Variants in SLC5A12 observed in about 807,000 individuals in gnomAD.
SLC5A12 encodes the protein solute carrier family 5 member 12.
SLC5A12 carries 46 observed loss-of-function variants against 72.7 expected under a neutral mutation model. The observed-to-expected ratio is 0.63, with a 90% CI of 0.50 to 0.81. The LOEUF is 0.81. Among genes scored for constraint, SLC5A12 ranks in the 30% least tolerant of loss-of-function variants. The pLI is 0.00. For missense variants in SLC5A12, 683 were observed against 740.7 expected (o/e 0.92, Z 0.90); for synonymous variants, 275 against 264.4 (o/e 1.04, Z -0.39).
intron 12 of SLC5A12, among the ~76,000 whole-genome samples, chr11:26,680,099 A>T (rs2133142452): frequency 6.6e-6 from 1 of 151,830 alleles, no homozygotes; most frequent in South Asian, 2.1e-4. Context: ...CAGTTTGAGA[A>T]GCCTGGACTC....
In SLC5A12 at chr11:26,673,451, T is replaced by C. The variant is rs771782675; in HGVS notation, c.1658A>G (p.Tyr553Cys). The C allele has an allele frequency of 1.6e-5, 25 of 1,612,078 alleles. No homozygotes were observed. The Admixed American group carries it at 4.0e-4, about 26-fold the overall frequency. Residue 553 changes from tyrosine to cysteine, a missense_variant, in exon 14 of 15, where the codon TAC becomes TGC. Transcript: ENST00000396005. Reference protein sequence around the residue: ...CNLFCFWSKKYKTLCWCGVQH... With the variant: ...CNLFCFWSKKCKTLCWCGVQH... ...AACTCCACACCAGCATAGTGTTTTG[T>C]ACTTCTTAGACCAAAAGCAAAATAA...
At chr11:26,692,241 G>A (rs1007486180) in intron 9 of SLC5A12, 7 of 346,476 alleles carry the variant, frequency 2.0e-5, no homozygotes, top group African/African-American at 6.4e-5. Flanking sequence ...GATAAGCCTC[G>A]TCTAGAGTGT....
chr11:26,685,530 C>A (rs762522795), intron 10 of SLC5A12, among the ~76,000 whole-genome samples: 24 of 152,076 alleles, frequency 1.6e-4, no homozygotes, highest in Non-Finnish European at 2.9e-4. Context: ...ATTGCTTGAA[C>A]CTGGGAGGCA....
Position 26,675,593 on chromosome 11 carries a change from T to C in SLC5A12, c.1580-2064A>G, listed in dbSNP as rs546488584. 8.5e-5 allele frequency among the ~76,000 whole-genome samples: 13 copies of C among 152,176 alleles called. No individual in the cohort carries two copies. The East Asian group carries it at 2.5e-3, about 29-fold the overall frequency. On this transcript the variant is annotated intron_variant, in intron 13 of 14. Transcript: ENST00000396005. ...AGATCATATCCTGTAGACAAGTAGG[T>C]TTATCCTAAGGAAAAGAAAGTTCAT...
At chr11:26,703,995 G>C (rs1855026477) in intron 4 of SLC5A12, 48 bp from the exon 5 acceptor site, 3 of 1,600,842 alleles carry the variant, frequency 1.9e-6, no homozygotes, top group Non-Finnish European at 2.6e-6. Context: ...CCCTGTAACT[G>C]TACTGGCTCT....
chr11:26,671,324 T>TTTAG, intron 14 of SLC5A12, 73 bp from the exon 15 acceptor site: 2 of 1,383,284 alleles, frequency 1.4e-6, no homozygotes, highest in South Asian at 3.1e-5. Flanking sequence ...GAGAATCTTG[T>TTTAG]TTAGGCCTTG....
At chr11:26,683,560 C>T (rs1044995536) in intron 11 of SLC5A12, among the ~76,000 whole-genome samples, 197 bp downstream of exon 11, 1 of 152,180 alleles carries the variant, frequency 6.6e-6, no homozygotes, top group Non-Finnish European at 1.5e-5. Flanking sequence ...ATAACTACCT[C>T]TGCTCTTCTT....
intron 4 of SLC5A12, among the ~76,000 whole-genome samples, chr11:26,707,294 C>T (rs1321272866): frequency 6.6e-6 from 1 of 151,904 alleles, no homozygotes; most frequent in Non-Finnish European, 1.5e-5. Flanking sequence ...CAGGTATAAA[C>T]GTATTCTTTT....
At chr11:26,688,220 A>G (rs1184062555) in intron 9 of SLC5A12, among the ~76,000 whole-genome samples, 1 of 152,224 alleles carries the variant, frequency 6.6e-6, no homozygotes, top group Non-Finnish European at 1.5e-5. Context: ...TCTCCCAAAA[A>G]CAAAGCAGTA....
At chr11:26,685,812 T>G (rs533056082) in intron 10 of SLC5A12, among the ~76,000 whole-genome samples, 4 of 152,074 alleles carry the variant, frequency 2.6e-5, no homozygotes, top group Admixed American at 6.6e-5. Flanking sequence ...GTATTTTCAC[T>G]TTTTTTCCCG....
At chr11:26,685,574 A>G (rs532523934) in intron 10 of SLC5A12, among the ~76,000 whole-genome samples, 8 of 151,948 alleles carry the variant, frequency 5.3e-5, no homozygotes, top group Middle Eastern at 3.4e-3. Context: ...CACTACTGTA[A>G]TCCAGCCTGG....
intron 13 of SLC5A12, among the ~76,000 whole-genome samples, chr11:26,674,027 C>T (rs1854207669): frequency 6.6e-6 from 1 of 152,074 alleles, no homozygotes; most frequent in Admixed American, 6.6e-5. Context: ...TTTAAGCATT[C>T]CTCACACCTC....
At chr11:26,681,963 A>G (rs2133146819) in intron 11 of SLC5A12, among the ~76,000 whole-genome samples, 1 of 152,136 alleles carries the variant, frequency 6.6e-6, no homozygotes, top group African/African-American at 2.4e-5. Flanking sequence ...TTTCTCCATT[A>G]TTGTTTGAAG....
intron 11 of SLC5A12, among the ~76,000 whole-genome samples, chr11:26,683,026 C>A (rs1427804006): frequency 6.6e-6 from 1 of 151,994 alleles, no homozygotes; most frequent in Non-Finnish European, 1.5e-5. Context: ...ATAGTATATA[C>A]ATTAATAAGT....
chr11:26,688,663 A>G (rs925918456), intron 9 of SLC5A12, among the ~76,000 whole-genome samples: 1 of 152,226 alleles, frequency 6.6e-6, no homozygotes, highest in Non-Finnish European at 1.5e-5. Context: ...CAATCTTAAT[A>G]TGCTGCAAGG....
chr11:26,683,924 G>A lies in SLC5A12; in HGVS notation c.1222-81C>T, dbSNP rs1214622495. On this transcript the variant is annotated intron_variant, in intron 10 of 14. Coordinates refer to ENST00000396005, the MANE Select transcript of SLC5A12 (RefSeq NM_178498.4). ...CTGGCATCATACCTCTCTTGGACCT[G>A]GGATAATATTGGGTCCTAGTCCTGA... 22 of 1,107,650 alleles carry A rather than the reference G, an allele frequency of 2.0e-5. No homozygotes were observed. In the Admixed American group the frequency reaches 4.2e-4, roughly 21 times the overall value. 68.6% of individuals were successfully genotyped at this position (1,107,650 alleles called of 1,614,324 possible).
rs373184215 is a variant in SLC5A12 at position 26,686,424 on chromosome 11, G to C, written c.1221+53C>G. 36 of 1,521,260 alleles carry C rather than the reference G, an allele frequency of 2.4e-5. No homozygotes were observed. In the African/African-American group the frequency reaches 2.6e-4, roughly 11 times the overall value. 94.2% of individuals were successfully genotyped at this position (1,521,260 alleles called of 1,614,324 possible). A position where few individuals can be genotyped will look rare whatever the true frequency, so the allele number is the denominator to read the frequency against. ...GAGGAAGAAGCAAGACATTAAAAGAGAGTGGGGGGAAGTTCCAGTGAAACC... is the reference window on the plus strand; with the variant it reads ...GAGGAAGAAGCAAGACATTAAAAGACAGTGGGGGGAAGTTCCAGTGAAACC... On this transcript the variant is annotated intron_variant, in intron 10 of 14. Transcript: ENST00000396005.
chr11:26,693,010 AT>A (rs1323723550), intron 8 of SLC5A12, among the ~76,000 whole-genome samples: 4 of 152,192 alleles, frequency 2.6e-5, no homozygotes, highest in Admixed American at 6.5e-5. Context: ...TTAATTATTC[AT>A]TCATTTATTT....
chr11:26,687,650 T>C (rs1057161834), intron 9 of SLC5A12, among the ~76,000 whole-genome samples: 1 of 152,236 alleles, frequency 6.6e-6, no homozygotes, highest in African/African-American at 2.4e-5. Flanking sequence ...ATCATTTTTA[T>C]TATTTTATTT....
Sources: allele counts gnomAD v4.1 joint callset (sites outside exome capture counted in the v4.1 genomes callset), GRCh38; gene constraint gnomAD v4.1.1; transcripts MANE v1.5; gene names NCBI Gene and HGNC (gene_info 2026-07-23, HGNC 2026-07-21).